AGMO: variants seen among roughly 807,000 people sequenced by gnomAD.
AGMO encodes the protein glyceryl-ether monooxygenase.
Under a neutral mutation model 60.2 loss-of-function variants are expected in AGMO, and 75 were observed. That is an observed-to-expected ratio of 1.25 (90% CI 1.03 to 1.51). The LOEUF is 1.51. Among genes scored for constraint, AGMO ranks in the 40% most tolerant of loss-of-function variants. The probability of loss-of-function intolerance (pLI) is 0.00; values close to 1 mark genes in which losing one functional copy is unlikely to be tolerated. For synonymous variants in AGMO, 261 were observed against 177.1 expected, an observed-to-expected ratio of 1.47 and a Z score of -3.76; for missense variants, 763 against 525.5, an observed-to-expected ratio of 1.45 and a Z score of -4.42.
chr7:15,497,868 A>G (rs1203271428), intron 3 of AGMO, among the ~76,000 whole-genome samples: 1 of 152,022 alleles, frequency 6.6e-6, no homozygotes, highest in Non-Finnish European at 1.5e-5. Flanking sequence ...TAGAAGCCTT[A>G]CTGGGTTATT....
chr7:15,228,340 A>G (rs1442484779), intron 12 of AGMO, among the ~76,000 whole-genome samples: 1 of 152,140 alleles, frequency 6.6e-6, no homozygotes, highest in African/African-American at 2.4e-5. Context: ...GAACATCTAC[A>G]AGATTCATAG....
At chr7:15,163,353 C>A in the AGMO span, among the ~76,000 whole-genome samples, 32 of 152,182 alleles carry the variant, frequency 2.1e-4, no homozygotes, top group African/African-American at 7.5e-4. Flanking sequence ...AGTTCCAGTA[C>A]TATGTTCAGT....
intron 12 of AGMO, among the ~76,000 whole-genome samples, chr7:15,321,142 A>T (rs1781095457): frequency 6.6e-6 from 1 of 152,140 alleles, no homozygotes; most frequent in African/African-American, 2.4e-5. Context: ...TTCTTAACTG[A>T]ATTGGCCATA....
At chr7:15,499,977 G>T (rs1009086463) in intron 3 of AGMO, among the ~76,000 whole-genome samples, 1 of 148,878 alleles carries the variant, frequency 6.7e-6, no homozygotes, top group East Asian at 2.0e-4. Context: ...AAAGCAATTG[G>T]ATTTTGAAGT....
At chr7:15,276,445 C>T (rs1454092068) in intron 12 of AGMO, among the ~76,000 whole-genome samples, 2 of 151,760 alleles carry the variant, frequency 1.3e-5, no homozygotes, top group Admixed American at 6.6e-5. Context: ...TTTGATGTTT[C>T]TCTCTAGCTG....
At chr7:15,162,803 C>A in the AGMO span, among the ~76,000 whole-genome samples, 1 of 152,128 alleles carries the variant, frequency 6.6e-6, no homozygotes, top group Non-Finnish European at 1.5e-5. Flanking sequence ...GTGATACCTC[C>A]AGCTTTGTTC....
At chr7:15,145,973 T>C in the AGMO span, among the ~76,000 whole-genome samples, 1 of 152,158 alleles carries the variant, frequency 6.6e-6, no homozygotes, top group Admixed American at 6.5e-5. Context: ...TGTTAAAATG[T>C]TTACGCAATT....
intron 2 of AGMO, among the ~76,000 whole-genome samples, chr7:15,554,240 A>G (rs17168822): frequency 0.035 from 5,293 of 152,050 alleles, 312 homozygotes; most frequent in African/African-American, 0.12. Flanking sequence ...ATCTCAGCAC[A>G]TGACTCTGCA....
chr7:15,336,439 C>A (rs1394105391), intron 12 of AGMO, among the ~76,000 whole-genome samples: 2 of 150,194 alleles, frequency 1.3e-5, no homozygotes, highest in Admixed American at 6.6e-5. Context: ...GAAAAAAAAA[C>A]ACCAGTAACT....
chr7:15,215,228 G>T (rs1055684794), intron 12 of AGMO, among the ~76,000 whole-genome samples: 9 of 152,194 alleles, frequency 5.9e-5, no homozygotes, highest in African/African-American at 2.2e-4. Context: ...ATCCTGAAAT[G>T]AGAAGACTGT....
intron 10 of AGMO, among the ~76,000 whole-genome samples, chr7:15,383,371 CGTTA>C (rs1439773231): frequency 6.6e-6 from 1 of 151,252 alleles, no homozygotes; most frequent in Non-Finnish European, 1.5e-5. Flanking sequence ...TTTTCAGTTA[CGTTA>C]GTTAATAAAT....
intron 3 of AGMO, among the ~76,000 whole-genome samples, chr7:15,448,057 T>A (rs888480928): frequency 6.6e-6 from 1 of 152,190 alleles, no homozygotes; most frequent in Non-Finnish European, 1.5e-5. Context: ...AACAATGCAG[T>A]GTGTAGGGAT....
At chr7:15,228,565 ATTGCAAATGCAGGACAGAAAAGT>A (rs1782158423) in intron 12 of AGMO, among the ~76,000 whole-genome samples, 3 of 152,174 alleles carry the variant, frequency 2.0e-5, no homozygotes, top group African/African-American at 7.2e-5. Context: ...AGAATCACAT[ATTGCAAATGCAGGACAGAAAAGT>A]GAAAGAGCAA....
chr7:15,221,536 A>C (rs2128496994), intron 12 of AGMO, among the ~76,000 whole-genome samples: 1 of 152,216 alleles, frequency 6.6e-6, no homozygotes, highest in Non-Finnish European at 1.5e-5. Context: ...TAAAAAATTC[A>C]AGTACAGGGT....
intron 12 of AGMO, among the ~76,000 whole-genome samples, chr7:15,304,394 G>A (rs1359168326): frequency 1.3e-5 from 2 of 151,982 alleles, no homozygotes; most frequent in African/African-American, 4.8e-5. Context: ...TGAAATTCAA[G>A]GCCAAACCAG....
rs971638702 is a variant in AGMO at position 15,297,312 on chromosome 7, A to C, written c.1263+68202T>G. Among the ~76,000 whole-genome samples, 2 of 152,228 alleles carry C rather than the reference A, an allele frequency of 1.3e-5. 1 individual carries two copies. The highest frequency in any genetic ancestry group is 1.3e-4 in the Admixed American group (2 of 15,276). ...TGGAAAATAATTTTAATACTTCTAAAGGACAAGAGTACATAAATCCTAGGT... is the reference window on the plus strand; with the variant it reads ...TGGAAAATAATTTTAATACTTCTAACGGACAAGAGTACATAAATCCTAGGT... On this transcript the variant is annotated intron_variant, in intron 12 of 12. Coordinates refer to ENST00000342526, the MANE Select transcript of AGMO (RefSeq NM_001004320.2).
chr7:15,379,802 G>C (rs1336484943), intron 10 of AGMO, among the ~76,000 whole-genome samples: 1 of 152,034 alleles, frequency 6.6e-6, no homozygotes, highest in African/African-American at 2.4e-5. Flanking sequence ...ACATCAAAAA[G>C]CTTATCCACC....
chr7:15,299,871 ACACACACACACACACAG>A, intron 12 of AGMO, among the ~76,000 whole-genome samples: 1 of 147,612 alleles, frequency 6.8e-6, no homozygotes, highest in South Asian at 2.1e-4. Flanking sequence ...ACACACACAC[ACACACACACACACACAG>A]TATGTTTTGT....
chr7:15,220,425 C>G (rs919057454), intron 12 of AGMO, among the ~76,000 whole-genome samples: 1 of 151,194 alleles, frequency 6.6e-6, no homozygotes, highest in Non-Finnish European at 1.5e-5. Context: ...CAATGTGTTT[C>G]CCAGGTTGAT....
Sources: allele counts gnomAD v4.1 joint callset (sites outside exome capture counted in the v4.1 genomes callset), GRCh38; gene constraint gnomAD v4.1.1; transcripts MANE v1.5; gene names NCBI Gene and HGNC (gene_info 2026-07-23, HGNC 2026-07-21).